PRKAB2: variants seen among roughly 807,000 people sequenced by gnomAD.
PRKAB2 encodes 5'-AMP-activated protein kinase subunit beta-2.
A neutral mutation model predicts 29.8 loss-of-function variants in PRKAB2; 18 were observed. That is an observed-to-expected ratio of 0.60 (90% CI 0.42 to 0.89). The LOEUF is 0.89. PRKAB2 is among the 40% of genes least tolerant of loss of function. PRKAB2 has a pLI of 0.00. For missense variants in PRKAB2, 270 were observed against 344.3 expected (o/e 0.78, Z 1.71); for synonymous variants, 136 against 125.9 (o/e 1.08, Z -0.54).
In PRKAB2 at chr1:147,162,435, C is replaced by T; in HGVS notation, c.672+5G>A. On this transcript the variant is annotated splice_donor_5th_base_variant and intron_variant, in intron 6 of 7. Transcript: ENST00000254101. ...AGATGCCCCAGTAATACTCAGGATA[C>T]TCACAGAAATATTAGTGTCTTTGTT... 1.2e-6 allele frequency: 2 copies of T among 1,610,752 alleles called. No homozygotes were observed. Among genetic ancestry groups the T allele is most frequent in the South Asian group, 1.1e-5 (1 of 90,596 alleles).
chr1:147,163,313 G>C (rs1654063320), intron 5 of PRKAB2, among the ~76,000 whole-genome samples: 1 of 152,146 alleles, frequency 6.6e-6, no homozygotes, highest in South Asian at 2.1e-4. Context: ...TAAACATAAA[G>C]TTACCACATG....
intron 7 of PRKAB2, 84 bp from the exon 8 acceptor site, chr1:147,159,726 C>G: frequency 1.6e-6 from 2 of 1,226,104 alleles, no homozygotes; most frequent in Non-Finnish European, 2.4e-6. Flanking sequence ...TTCACAGTCA[C>G]TCACTTTTAA....
At chr1:147,171,925 G>T (rs1339192686) in intron 2 of PRKAB2, 64 bp downstream of exon 2, 2 of 1,552,414 alleles carry the variant, frequency 1.3e-6, no homozygotes, top group Non-Finnish European at 1.7e-6. Flanking sequence ...CCAAGAAAGG[G>T]AAGAGGAGCC....
rs587664938 is a variant in PRKAB2, at chr1:147,171,078, C to T, written c.156+911G>A. Among the ~76,000 whole-genome samples the T allele has an allele frequency of 1.5e-4, 23 of 152,356 alleles. 1 individual carries two copies. In the East Asian group the frequency reaches 3.9e-3, roughly 26 times the overall value. On this transcript the variant is annotated intron_variant, in intron 2 of 7. Coordinates refer to ENST00000254101, the MANE Select transcript of PRKAB2 (RefSeq NM_005399.5). ...TTTCTATCTCATCCAGTCAGTCTAC[C>T]TGGAGGAATTACTTGTATTTCATGC...
rs1553912570 is a variant in PRKAB2, at chr1:147,157,488, A to G, written c.*2077T>C. ...ATTTCACAAAAGCCTCAGGCCTGAA[A>G]GAAATCGAAGAGATCTCTTTTCCTG... On this transcript the variant is annotated 3_prime_UTR_variant, in exon 8 of 8. Coordinates refer to ENST00000254101, the MANE Select transcript of PRKAB2 (RefSeq NM_005399.5). 1 of 152,196 alleles carries G rather than the reference A, an allele frequency of 6.6e-6. No homozygotes were observed. The highest frequency in any genetic ancestry group is 2.4e-5 in the African/African-American group (1 of 41,454). 9.4% of individuals were successfully genotyped at this position (152,196 alleles called of 1,614,324 possible). A position where few individuals can be genotyped will look rare whatever the true frequency, so the allele number is the denominator to read the frequency against.
chr1:147,163,064 A>G (rs1188350400), intron 5 of PRKAB2, among the ~76,000 whole-genome samples: 2 of 143,912 alleles, frequency 1.4e-5, no homozygotes, highest in Non-Finnish European at 3.0e-5. Flanking sequence ...CTACCAATAC[A>G]ACAATGATTG....
chr1:147,167,383 G>C (rs1654300672), intron 3 of PRKAB2, among the ~76,000 whole-genome samples: 1 of 152,164 alleles, frequency 6.6e-6, no homozygotes, highest in Non-Finnish European at 1.5e-5. Flanking sequence ...ACTCATTATT[G>C]CTTTGGAAGC....
chr1:147,171,039 T>G (rs1457331335), intron 2 of PRKAB2, among the ~76,000 whole-genome samples: 1 of 152,222 alleles, frequency 6.6e-6, no homozygotes, highest in Non-Finnish European at 1.5e-5. Context: ...CCGAATCTCC[T>G]CAAGCCCTCC....
At chr1:147,171,773 G>A (rs1324052217) in intron 2 of PRKAB2, among the ~76,000 whole-genome samples, 1 of 152,174 alleles carries the variant, frequency 6.6e-6, no homozygotes, top group African/African-American at 2.4e-5. Flanking sequence ...AGATTAGTCA[G>A]AACACCAGGA....
intron 2 of PRKAB2, 123 bp from the exon 3 acceptor site, chr1:147,168,056 A>T: frequency 9.6e-7 from 1 of 1,039,326 alleles, no homozygotes. Context: ...CCCCAAAATT[A>T]GCAACTAAAT....
intron 5 of PRKAB2, among the ~76,000 whole-genome samples, chr1:147,163,895 A>G (rs1232634547): frequency 6.6e-6 from 1 of 152,106 alleles, no homozygotes; most frequent in African/African-American, 2.4e-5. Flanking sequence ...TACAATATAC[A>G]AAAATGAAGA....
intron 5 of PRKAB2, 102 bp downstream of exon 5, chr1:147,166,396 C>T (rs1275867180): frequency 3.1e-6 from 4 of 1,294,990 alleles, no homozygotes; most frequent in Non-Finnish European, 4.2e-6. Flanking sequence ...CCCCAACCCC[C>T]TGCTCTCTCT....
At chr1:147,162,813 C>T (rs1553913239) in intron 5 of PRKAB2, among the ~76,000 whole-genome samples, 1 of 152,108 alleles carries the variant, frequency 6.6e-6, no homozygotes, top group African/African-American at 2.4e-5. Context: ...GATATAAAGA[C>T]TCAAAGACCC....
chr1:147,161,450 G>C (rs1438474711), intron 7 of PRKAB2, among the ~76,000 whole-genome samples: 1 of 152,062 alleles, frequency 6.6e-6, no homozygotes, highest in African/African-American at 2.4e-5. Flanking sequence ...TAAACAGTTA[G>C]TGTAAAGATT....
chr1:147,159,748 T>C, intron 7 of PRKAB2, 106 bp from the exon 8 acceptor site: 1 of 980,216 alleles, frequency 1.0e-6, no homozygotes, highest in Non-Finnish European at 1.6e-6. Flanking sequence ...AGAGATAGTT[T>C]GATATAAGAG....
intron 2 of PRKAB2, among the ~76,000 whole-genome samples, chr1:147,171,028 C>T (rs189598225): frequency 1.3e-5 from 2 of 152,344 alleles, no homozygotes; most frequent in Non-Finnish European, 1.5e-5. Flanking sequence ...ATCAAACACA[C>T]CCGAATCTCC....
chr1:147,167,187 T>C (rs1488594210), intron 3 of PRKAB2, among the ~76,000 whole-genome samples: 2 of 152,136 alleles, frequency 1.3e-5, no homozygotes, highest in Non-Finnish European at 2.9e-5. Context: ...AAAACATTAA[T>C]CCCCTCAAAT....
At chr1:147,161,883 A>C (rs781783218) in intron 6 of PRKAB2, 103 bp from the exon 7 acceptor site, 2 of 867,226 alleles carry the variant, frequency 2.3e-6, no homozygotes. Context: ...GAGAAATTTA[A>C]ACTAGAATGC....
chr1:147,162,372 A>G, intron 6 of PRKAB2, 68 bp downstream of exon 6: 5 of 1,458,988 alleles, frequency 3.4e-6, no homozygotes, highest in Non-Finnish European at 4.7e-6. Flanking sequence ...AACCTCTAGG[A>G]TTACTGAACT....
Sources: gnomAD v4.1 joint callset for allele counts (sites outside exome capture counted in the v4.1 genomes callset) on GRCh38, gnomAD v4.1.1 for gene constraint, MANE v1.5 for transcripts, NCBI Gene and HGNC (gene_info 2026-07-23, HGNC 2026-07-21) for gene names.